Variants in AKAIN1 observed in about 807,000 individuals in gnomAD.
AKAIN1 encodes the protein A-kinase anchor inhibitor 1.
AKAIN1 carries 3 observed loss-of-function variants against 3.7 expected under a neutral mutation model. The ratio of observed to expected loss-of-function variants is 0.82; its 90% CI spans 0.37 to 2.12. The LOEUF is 2.12. AKAIN1 is among the 30% of genes most tolerant of loss of function. AKAIN1 has a pLI of 0.06. For missense variants in AKAIN1, 82 were observed against 82.7 expected (o/e 0.99, Z 0.03); for synonymous variants, 31 against 30.8 (o/e 1.01, Z -0.02).
chr18:5,195,847 C>T (rs890726120), intron 1 of AKAIN1, among the ~76,000 whole-genome samples: 9 of 152,062 alleles, frequency 5.9e-5, no homozygotes, highest in African/African-American at 1.9e-4. Flanking sequence ...GGGAAGAGCT[C>T]CTGGGCATTC....
intron 1 of AKAIN1, among the ~76,000 whole-genome samples, chr18:5,167,048 ACTC>A (rs2071171642): frequency 6.6e-6 from 1 of 151,982 alleles, no homozygotes; most frequent in Non-Finnish European, 1.5e-5. Context: ...ATGATTTTTC[ACTC>A]CTCATACTAA....
rs574997422 is a variant in AKAIN1 at position 5,148,439 on chromosome 18, T to C, written c.17-2684A>G. On this transcript the variant is annotated intron_variant, in intron 1 of 1. Coordinates refer to ENST00000434239, the MANE Select transcript of AKAIN1 (RefSeq NM_001145194.2). ...GCAATTTCTTTTTAAAGAGTTGTCATAAAGGTTGCAAACATCACTCTTCTG... is the reference window on the plus strand; with the variant it reads ...GCAATTTCTTTTTAAAGAGTTGTCACAAAGGTTGCAAACATCACTCTTCTG... 1.1e-4 allele frequency among the ~76,000 whole-genome samples: 16 copies of C among 152,324 alleles called. 1 individual carries two copies. The highest frequency in any genetic ancestry group is 6.8e-3 in the Middle Eastern group (2 of 294).
intron 1 of AKAIN1, among the ~76,000 whole-genome samples, chr18:5,155,770 C>CA (rs2071104705): frequency 6.6e-6 from 1 of 152,122 alleles, no homozygotes; most frequent in Non-Finnish European, 1.5e-5. Context: ...GCCACAGTAC[C>CA]AAGGTCCTAA....
intron 1 of AKAIN1, among the ~76,000 whole-genome samples, chr18:5,189,032 C>T (rs568966632): frequency 1.3e-5 from 2 of 152,342 alleles, no homozygotes; most frequent in Non-Finnish European, 1.5e-5. Context: ...CCAAGGCTTA[C>T]AGCTTGTACC....
intron 1 of AKAIN1, among the ~76,000 whole-genome samples, chr18:5,190,947 G>A (rs574617560): frequency 6.6e-6 from 1 of 152,228 alleles, no homozygotes; most frequent in African/African-American, 2.4e-5. Flanking sequence ...ATGTAAATTG[G>A]TGATGAGGGA....
intron 1 of AKAIN1, among the ~76,000 whole-genome samples, chr18:5,163,309 A>G (rs1271007165): frequency 6.6e-6 from 1 of 152,072 alleles, no homozygotes; most frequent in Non-Finnish European, 1.5e-5. Flanking sequence ...GTTTTAAAAC[A>G]TTAGTTTGAA....
At position 5,145,202 on chromosome 18, in the gene AKAIN1, A is replaced by C. The variant is rs1308228774; in HGVS notation, c.*360T>G. 5.4e-6 allele frequency: 1 copy of C among 185,442 alleles called. No individual in the cohort carries two copies. Among genetic ancestry groups the C allele is most frequent in the East Asian group, 1.3e-4 (1 of 7,480 alleles). The allele number at this position is 185,442 out of a possible 1,614,324, so 11.5% of individuals were successfully genotyped here. A position where few individuals can be genotyped will look rare whatever the true frequency, so the allele number is the denominator to read the frequency against. ...TACTGTATTCAGTATTTCAGCAAAA[A>C]GGCTGCTTGTTAAATTCACAGAAGG... On this transcript the variant is annotated 3_prime_UTR_variant, in exon 2 of 2. Transcript: ENST00000434239.
At chr18:5,179,781 G>A (rs1323329179) in intron 1 of AKAIN1, among the ~76,000 whole-genome samples, 1 of 152,074 alleles carries the variant, frequency 6.6e-6, no homozygotes, top group Non-Finnish European at 1.5e-5. Context: ...CCCTTAGAAA[G>A]TTTCTTTTCA....
chr18:5,188,995 C>T (rs2071303312), intron 1 of AKAIN1, among the ~76,000 whole-genome samples: 1 of 152,178 alleles, frequency 6.6e-6, no homozygotes, highest in Non-Finnish European at 1.5e-5. Flanking sequence ...TTCTTGCACT[C>T]GCAGAATTAG....
upstream of AKAIN1, chr18:5,197,509 A>AAAAAAAAAAAG: frequency 8.2e-7 from 1 of 1,225,552 alleles, no homozygotes; most frequent in Non-Finnish European, 1.0e-6. The surrounding 1 kb of genome is among the most constrained non-coding windows in gnomAD (Gnocchi z 6.9). Context: ...TTTGTCAAAA[A>AAAAAAAAAAAG]AAAAAAACTC....
At chr18:5,177,229 TATA>T (rs1442016534) in intron 1 of AKAIN1, among the ~76,000 whole-genome samples, 2 of 152,206 alleles carry the variant, frequency 1.3e-5, no homozygotes, top group African/African-American at 4.8e-5. Flanking sequence ...AAGCAGATTT[TATA>T]ATGTTTCTCT....
intron 1 of AKAIN1, among the ~76,000 whole-genome samples, chr18:5,166,596 A>G (rs2071169196): frequency 6.6e-6 from 1 of 152,134 alleles, no homozygotes; most frequent in Admixed American, 6.6e-5. Context: ...AAATATGCAG[A>G]AGAAAACAAA....
chr18:5,155,547 C>G (rs1452946053), intron 1 of AKAIN1, among the ~76,000 whole-genome samples: 4 of 152,168 alleles, frequency 2.6e-5, no homozygotes, highest in African/African-American at 9.7e-5. Flanking sequence ...GAATGGCTGC[C>G]CTGCAGGCTG....
rs574619692 is a variant in AKAIN1 at position 5,184,433 on chromosome 18, C to T, written c.16+12605G>A. Among the ~76,000 whole-genome samples the T allele has an allele frequency of 4.1e-4, 62 of 152,096 alleles. No homozygotes were observed. In the South Asian group the frequency reaches 5.0e-3, roughly 12 times the overall value. Reference sequence around the variant, plus strand: ...GTTTGCAGACAATATGATTCTATCCCTAGAAAATTCTGTAGTCGCTGCCCA... The same window carrying T: ...GTTTGCAGACAATATGATTCTATCCTTAGAAAATTCTGTAGTCGCTGCCCA... On this transcript the variant is annotated intron_variant, in intron 1 of 1. Transcript: ENST00000434239.
At chr18:5,178,261 G>A (rs747437802) in intron 1 of AKAIN1, among the ~76,000 whole-genome samples, 6 of 152,106 alleles carry the variant, frequency 3.9e-5, no homozygotes, top group Non-Finnish European at 8.8e-5. Flanking sequence ...CCATGAAGAA[G>A]TGGGACAACC....
chr18:5,194,727 T>C (rs951643428), intron 1 of AKAIN1, among the ~76,000 whole-genome samples: 1 of 152,232 alleles, frequency 6.6e-6, no homozygotes, highest in African/African-American at 2.4e-5. Context: ...ATTTTATGAA[T>C]AGCTCCTTGT....
chr18:5,172,450 T>A (rs1598311267), intron 1 of AKAIN1, among the ~76,000 whole-genome samples: 1 of 152,174 alleles, frequency 6.6e-6, no homozygotes, highest in Admixed American at 6.5e-5. Flanking sequence ...GCACAAAAAT[T>A]AAAAATTTAA....
At chr18:5,192,419 TTCTTTCTTTCTTTCTTTCTTTC>T (rs1221217432) in intron 1 of AKAIN1, among the ~76,000 whole-genome samples, 11,898 of 144,982 alleles carry the variant, frequency 0.082, 615 homozygotes, top group East Asian at 0.19. Flanking sequence ...CTTTCTTTCT[TTCTTTCTTTCTTTCTTTCTTTC>T]TTTCTTTTTC....
At chr18:5,174,276 C>G (rs1166999145) in intron 1 of AKAIN1, among the ~76,000 whole-genome samples, 1 of 152,048 alleles carries the variant, frequency 6.6e-6, no homozygotes, top group Non-Finnish European at 1.5e-5. Flanking sequence ...ACATAGAATT[C>G]CCTTTCAAGG....
Sources: allele counts gnomAD v4.1 joint callset (sites outside exome capture counted in the v4.1 genomes callset), GRCh38; gene constraint gnomAD v4.1.1; non-coding constraint Gnocchi (gnomAD v3.1); transcripts MANE v1.5; gene names NCBI Gene and HGNC (gene_info 2026-07-23, HGNC 2026-07-21).